Variants in ARHGAP9 observed in about 807,000 individuals in gnomAD.
The protein encoded by ARHGAP9 is Rho GTPase activating protein 9, also known as rho GTPase-activating protein 9.
Under a neutral mutation model 87.3 loss-of-function variants are expected in ARHGAP9, and 76 were observed. The observed-to-expected ratio is 0.87, with a 90% CI of 0.72 to 1.05. The LOEUF (loss-of-function observed/expected upper bound fraction) is 1.05. Ranked by LOEUF, ARHGAP9 falls within the 50% of genes least tolerant of loss-of-function variation. The probability of loss-of-function intolerance (pLI) is 0.00; values close to 1 mark genes in which losing one functional copy is unlikely to be tolerated. For missense variants in ARHGAP9, 941 were observed against 960.5 expected (o/e 0.98, Z 0.27); for synonymous variants, 382 against 394.9 (o/e 0.97, Z 0.39).
intron 1 of ARHGAP9, chr12:57,488,559 T>C: frequency 6.5e-7 from 1 of 1,549,594 alleles, no homozygotes. Flanking sequence ...TTTGTGTTCT[T>C]AGGAAATCCC....
chr12:57,479,573 G>A, intron 1 of ARHGAP9, 149 bp from the exon 2 acceptor site: 1 of 1,516,514 alleles, frequency 6.6e-7, no homozygotes, highest in South Asian at 1.3e-5. Context: ...AGCCTGGTGA[G>A]GATCGGTGAC....
upstream of ARHGAP9, among the ~76,000 whole-genome samples, chr12:57,484,557 T>C (rs1403937729): frequency 6.6e-6 from 1 of 152,158 alleles, no homozygotes; most frequent in Admixed American, 6.5e-5. Context: ...CCTTCTACAG[T>C]CACTTCTACA....
Position 57,476,110 on chromosome 12 carries a change from C to A in ARHGAP9, c.1173G>T (p.Ala391=). 1 of 1,540,054 alleles carries A rather than the reference C, an allele frequency of 6.5e-7. No individual in the cohort carries two copies. Among genetic ancestry groups the A allele is most frequent in the Non-Finnish European group, 8.7e-7 (1 of 1,143,644 alleles). The change falls in exon 9 of 18, where the codon GCG becomes GCT. Residue 391 remains alanine (A), a synonymous_variant. Coordinates refer to ENST00000393791, the MANE Select transcript of ARHGAP9 (RefSeq NM_032496.4). ...SSVDLRGAAL[A]HGRHLSSRRN... is the part of the protein sequence containing the mutation. ...GGCGGCTGGACAGGTGGCGGCCGTG[C>A]GCCAGGGCCGCCCCGCGCAGGTCCA...
chr12:57,487,552 A>C (rs1875521765), intron 1 of ARHGAP9: 1 of 152,604 alleles, frequency 6.6e-6, no homozygotes, highest in Non-Finnish European at 1.5e-5. Context: ...TCTCCAGAAA[A>C]AAAGTGCTGC....
intron 2 of ARHGAP9, 49 bp from the exon 3 acceptor site, chr12:57,478,806 T>C (rs1327563176): frequency 1.3e-6 from 2 of 1,521,838 alleles, no homozygotes; most frequent in African/African-American, 1.4e-5. Context: ...AGAGGTGTTG[T>C]TGTAACTGGG....
rs1565623975 is a variant in ARHGAP9, at chr12:57,477,464, CGCT to C, written c.748_750del (p.Ser250del). ...AGCAGGAGGTAAGGTCTCACCGTCT[CGCT>C]GCGACTGCGGCGCGGGGGCTTCCAG... On this transcript the variant is annotated inframe_deletion, in exon 4 of 18. Coordinates refer to ENST00000393791, the MANE Select transcript of ARHGAP9 (RefSeq NM_032496.4). 1 of 1,614,032 alleles carries C rather than the reference CGCT, an allele frequency of 6.2e-7. No homozygotes were observed. Among genetic ancestry groups the C allele is most frequent in the South Asian group, 1.1e-5 (1 of 91,066 alleles).
At chr12:57,473,285 C>T (rs997464452) in intron 17 of ARHGAP9, among the ~76,000 whole-genome samples, 7 of 152,026 alleles carry the variant, frequency 4.6e-5, no homozygotes, top group Non-Finnish European at 7.4e-5. Context: ...TGGTGGCGGG[C>T]ACCTGTAATC....
intron 12 of ARHGAP9, 98 bp from the exon 13 acceptor site, chr12:57,475,071 G>A (rs1873081996): frequency 7.6e-7 from 1 of 1,321,960 alleles, no homozygotes; most frequent in South Asian, 1.3e-5. Context: ...TGGTCCTCCT[G>A]GCTGCCTGTG....
chr12:57,484,945 GTATT>G (rs1875287976), intron 1 of ARHGAP9, among the ~76,000 whole-genome samples: 2 of 146,550 alleles, frequency 1.4e-5, no homozygotes, highest in African/African-American at 2.5e-5. Context: ...TGCGCCCAGC[GTATT>G]TATTTATTTT....
In ARHGAP9 at chr12:57,478,180, C is replaced by T. The variant is rs565955751; in HGVS notation, c.534+360G>A. 525 of 312,742 alleles carry T rather than the reference C, an allele frequency of 1.7e-3. 1 individual carries two copies. Among genetic ancestry groups the T allele is most frequent in the Admixed American group, 3.1e-3 (66 of 21,342 alleles). The allele number at this position is 312,742 out of a possible 1,614,324, so 19.4% of individuals were successfully genotyped here. ...AAAAACCCTGCCCTGGGCTAGGAGT[C>T]TGGAGGAAGGAAGAGCACAGGGCTG... is the stretch of plus-strand genomic sequence containing the variant. On this transcript the variant is annotated intron_variant, in intron 3 of 17. Coordinates refer to ENST00000393791, the MANE Select transcript of ARHGAP9 (RefSeq NM_032496.4).
upstream of ARHGAP9, among the ~76,000 whole-genome samples, chr12:57,481,177 C>T (rs1251386278): frequency 6.6e-6 from 1 of 152,142 alleles, no homozygotes; most frequent in Non-Finnish European, 1.5e-5. Context: ...ATATCCAAGT[C>T]TCTCCCATCT....
At chr12:57,487,967 C>G in intron 1 of ARHGAP9, 1 of 747,282 alleles carries the variant, frequency 1.3e-6, no homozygotes, top group Non-Finnish European at 2.4e-6. Context: ...AGTCTACTTT[C>G]CGGTAGCGGT....
At chr12:57,487,773 C>T (rs1875539769) in intron 1 of ARHGAP9, 1 of 307,852 alleles carries the variant, frequency 3.2e-6, no homozygotes, top group Non-Finnish European at 6.1e-6. Flanking sequence ...CACTTGAACC[C>T]TGGAGGCAGA....
At chr12:57,474,262 C>G in intron 15 of ARHGAP9, 86 bp from the exon 16 acceptor site, 1 of 1,582,256 alleles carries the variant, frequency 6.3e-7, no homozygotes, top group Non-Finnish European at 8.6e-7. Flanking sequence ...GAAATCCAGT[C>G]AAAGCAGACT....
rs910632110 is a variant in ARHGAP9, at chr12:57,478,023, G to A, written c.535-343C>T. The A allele has an allele frequency of 1.3e-4, 134 of 1,070,994 alleles. 2 individuals carry two copies. In the Middle Eastern group the frequency reaches 1.7e-3, roughly 13 times the overall value. The allele number at this position is 1,070,994 out of a possible 1,614,324, so 66.3% of individuals were successfully genotyped here. ...CACCCTCACATCCTGCAAGGTAAAA[G>A]AAGACAGAGAAGGGTCTACAGAAGG... On this transcript the variant is annotated intron_variant, in intron 3 of 17. Transcript: ENST00000393791.
chr12:57,480,366 G>A (rs1172746279), upstream of ARHGAP9, among the ~76,000 whole-genome samples: 1 of 152,026 alleles, frequency 6.6e-6, no homozygotes, highest in Admixed American at 6.5e-5. Flanking sequence ...ATTTTTAGTA[G>A]AGACAGGGTT....
rs1873698978 is a variant in ARHGAP9, at chr12:57,476,414, T to TCTCG, written c.1065_1066insCGAG (p.Ser356ArgfsTer23). 1 of 1,613,994 alleles carries TCTCG rather than the reference T, an allele frequency of 6.2e-7. No homozygotes were observed. The highest frequency in any genetic ancestry group is 8.5e-7 in the Non-Finnish European group (1 of 1,180,028). The stretch of plus-strand genomic sequence containing the variant: ...GGTGGCTCTCGGTAGAACACCAGGC[T>TCTCG]GTTACCCGTTAACACCACCCAAGAC... On this transcript the variant is annotated frameshift_variant, in exon 8 of 18. Coordinates refer to ENST00000393791, the MANE Select transcript of ARHGAP9 (RefSeq NM_032496.4). LOFTEE classifies it high-confidence loss of function.
At chr12:57,484,729 CTG>C (rs1474967393), upstream of ARHGAP9, among the ~76,000 whole-genome samples, 1 of 152,190 alleles carries the variant, frequency 6.6e-6, no homozygotes, top group Non-Finnish European at 1.5e-5. Flanking sequence ...ACTGCAACCT[CTG>C]CCTCCCAAGT....
chr12:57,487,988 TG>T, intron 1 of ARHGAP9: 3 of 874,916 alleles, frequency 3.4e-6, no homozygotes, highest in African/African-American at 1.6e-5. Context: ...GCCAGGGCAG[TG>T]GCCTAATACG....
Sources: allele counts gnomAD v4.1 joint callset (sites outside exome capture counted in the v4.1 genomes callset), GRCh38; gene constraint gnomAD v4.1.1; transcripts MANE v1.5; gene names NCBI Gene and HGNC (gene_info 2026-07-23, HGNC 2026-07-21).